ZNF829: variants seen among roughly 807,000 people sequenced by gnomAD.
ZNF829 encodes the protein zinc finger protein 829.
Under a neutral mutation model 35.2 loss-of-function variants are expected in ZNF829, and 25 were observed. That is an observed-to-expected ratio of 0.71 (90% confidence interval 0.52 to 0.99). The LOEUF is 0.99. ZNF829 is among the 50% of genes least tolerant of loss of function. ZNF829 has a pLI of 0.00. For synonymous variants in ZNF829, 136 were observed against 163.2 expected, an observed-to-expected ratio of 0.83 and a Z score of 1.27; for missense variants, 417 against 515.3, an observed-to-expected ratio of 0.81 and a Z score of 1.85.
intron 5 of ZNF829, among the ~76,000 whole-genome samples, chr19:36,897,946 A>G (rs1428343844): frequency 6.6e-6 from 1 of 152,220 alleles, no homozygotes; most frequent in Non-Finnish European, 1.5e-5. Flanking sequence ...AGGTGGGTGG[A>G]TCACTTGAGG....
chr19:36,901,819 C>A, intron 5 of ZNF829: 1 of 692,310 alleles, frequency 1.4e-6, no homozygotes, highest in Non-Finnish European at 2.7e-6. Context: ...GAGAATACAC[C>A]ATCAGTATGC....
chr19:36,904,295 G>C (rs769176493), intron 5 of ZNF829, among the ~76,000 whole-genome samples: 8 of 152,206 alleles, frequency 5.3e-5, no homozygotes, highest in Non-Finnish European at 7.3e-5. Context: ...TTGAAGGTAG[G>C]TATCAGAAGA....
intron 5 of ZNF829, chr19:36,902,016 G>C (rs371219496): frequency 2.2e-5 from 15 of 677,192 alleles, no homozygotes; most frequent in Middle Eastern, 2.6e-4. Context: ...TCCAGAATAC[G>C]TAATGGGGAT....
chr19:36,891,461 G>C lies in ZNF829; in HGVS notation c.*31C>G, dbSNP rs1341429474. On this transcript the variant is annotated 3_prime_UTR_variant, in exon 6 of 6. Coordinates refer to ENST00000391711, the MANE Select transcript of ZNF829 (RefSeq NM_001037232.4). Reference sequence around the variant, plus strand: ...CCTGTTTTAAAAAAATTATTATAAAGGTTAACAAAATGGTCTTACTTTACT... The same window carrying C: ...CCTGTTTTAAAAAAATTATTATAAACGTTAACAAAATGGTCTTACTTTACT... 1 of 1,510,684 alleles carries C rather than the reference G, an allele frequency of 6.6e-7. No individual in the cohort carries two copies. Among genetic ancestry groups the C allele is most frequent in the Non-Finnish European group, 8.8e-7 (1 of 1,132,300 alleles). The allele number at this position is 1,510,684 out of a possible 1,614,324, so 93.6% of individuals were successfully genotyped here.
rs1438099580 is a variant in ZNF829, at chr19:36,892,107, A to G, written c.684T>C (p.Ser228=). 1 of 1,614,074 alleles carries G rather than the reference A, an allele frequency of 6.2e-7. No homozygotes were observed. Among genetic ancestry groups the G allele is most frequent in the Non-Finnish European group, 8.5e-7 (1 of 1,179,998 alleles). ...GKAFSCSSYF[S]QHQRIHTGEK... is the part of the protein sequence containing the mutation. The stretch of plus-strand genomic sequence containing the variant: ...CACCAGTGTGAATCCTCTGATGTTG[A>G]GAAAAATATGAACTACAACTAAAAG... Residue 228 remains serine (S), a synonymous_variant, in exon 6 of 6, where the codon TCT becomes TCC. Coordinates refer to ENST00000391711, the MANE Select transcript of ZNF829 (RefSeq NM_001037232.4).
chr19:36,897,996 T>C (rs1160524691), intron 5 of ZNF829, among the ~76,000 whole-genome samples: 1 of 152,108 alleles, frequency 6.6e-6, no homozygotes, highest in East Asian at 1.9e-4. Flanking sequence ...TGGTGAAACC[T>C]TGTCTTGACT....
chr19:36,891,535 C>T lies in ZNF829; in HGVS notation c.1256G>A (p.Ser419Asn). 6.3e-7 allele frequency: 1 copy of T among 1,599,228 alleles called. No homozygotes were observed. Among genetic ancestry groups the T allele is most frequent in the Non-Finnish European group, 8.5e-7 (1 of 1,174,154 alleles). The change falls in exon 6 of 6, where the codon AGT becomes AAT. Residue 419 changes from serine to asparagine, a missense_variant. By Grantham distance (46) the Ser-to-Asn change is conservative. Coordinates refer to ENST00000391711, the MANE Select transcript of ZNF829 (RefSeq NM_001037232.4). ...CTCATGGCGAATGAGGTCAGAGCGA[C>T]TACCAAAAGCCTTTCCACATTCCTT... ...DCKECGKAFG[S>N]RSDLIRHEGI...
chr19:36,915,303 T>G, intron 1 of ZNF829, 52 bp from the exon 2 acceptor site: 1 of 1,543,126 alleles, frequency 6.5e-7, no homozygotes, highest in Non-Finnish European at 8.7e-7. Context: ...GACCCCATAC[T>G]CATACACAGA....
rs964684284 is a variant in ZNF829, at chr19:36,888,487, C to T, written c.*3005G>A. 6.6e-6 allele frequency: 1 copy of T among 152,220 alleles called. No individual in the cohort carries two copies. The highest frequency in any genetic ancestry group is 1.5e-5 in the Non-Finnish European group (1 of 68,036). The allele number at this position is 152,220 out of a possible 1,614,324, so 9.4% of individuals were successfully genotyped here. ...ACTAAATTCTTGTGATCTTTCTACT[C>T]TGCACTCTGAAATCCACAGTAACTT... On this transcript the variant is annotated 3_prime_UTR_variant, in exon 6 of 6. Coordinates refer to ENST00000391711, the MANE Select transcript of ZNF829 (RefSeq NM_001037232.4).
Position 36,892,044 on chromosome 19 carries a change from A to C in ZNF829, c.747T>G (p.Phe249Leu). ...GATCATTAAGGTTTGAGCAATACTT[A>C]AAGGCTTTTCCACATTCCTTACATT... ...PYECKECGKA[F>L]KYCSNLNDHQ... is the part of the protein sequence containing the mutation. The change falls in exon 6 of 6, where the codon TTT becomes TTG. Residue 249 changes from phenylalanine (F) to leucine (L), a missense_variant. Transcript: ENST00000391711. 6.2e-7 allele frequency: 1 copy of C among 1,614,064 alleles called. No homozygotes were observed. Among genetic ancestry groups the C allele is most frequent in the Non-Finnish European group, 8.5e-7 (1 of 1,179,984 alleles).
Position 36,892,408 on chromosome 19 carries a change from A to G in ZNF829, c.383T>C (p.Ile128Thr), listed in dbSNP as rs755045762. ...AGTAGACATGTCTTCACGGGTAATT[A>G]TTACTTGACTGAAATGTCTCTTCTT... is the stretch of plus-strand genomic sequence containing the variant. ...SLKKRHFSQVIITREDMSTFI... is the reference protein window; with the variant it reads ...SLKKRHFSQVTITREDMSTFI... The change falls in exon 6 of 6, where the codon ATA (isoleucine) becomes ACA (threonine). Residue 128 changes from isoleucine (I) to threonine (T), a missense_variant. Coordinates refer to ENST00000391711, the MANE Select transcript of ZNF829 (RefSeq NM_001037232.4). The G allele has an allele frequency of 1.4e-5, 23 of 1,611,148 alleles. No individual in the cohort carries two copies. In the Middle Eastern group the frequency reaches 1.3e-3, roughly 93 times the overall value.
intron 5 of ZNF829, among the ~76,000 whole-genome samples, chr19:36,895,804 A>G (rs1295699329): frequency 1.3e-5 from 2 of 152,224 alleles, no homozygotes; most frequent in African/African-American, 4.8e-5. Flanking sequence ...CAGAGGATAT[A>G]AAGTTCTAAA....
intron 3 of ZNF829, among the ~76,000 whole-genome samples, chr19:36,909,636 G>A (rs542463219): frequency 5.5e-4 from 83 of 152,004 alleles, no homozygotes; most frequent in African/African-American, 1.9e-3. Context: ...ATGAAACCCC[G>A]TGTCTACTTA....
In ZNF829 at chr19:36,891,293, T is replaced by C; in HGVS notation, c.*199A>G. On this transcript the variant is annotated 3_prime_UTR_variant, in exon 6 of 6. Coordinates refer to ENST00000391711, the MANE Select transcript of ZNF829 (RefSeq NM_001037232.4). Reference sequence around the variant, plus strand: ...CGATCAGCACCCTTGAGTTTAGATTTCCAGGCTCTAAACTATGAGAGAATA... The same window carrying C: ...CGATCAGCACCCTTGAGTTTAGATTCCCAGGCTCTAAACTATGAGAGAATA... 3.8e-6 allele frequency: 2 copies of C among 520,922 alleles called. No homozygotes were observed. Among genetic ancestry groups the C allele is most frequent in the Admixed American group, 3.7e-5 (1 of 26,676 alleles). The allele number at this position is 520,922 out of a possible 1,614,324, so 32.3% of individuals were successfully genotyped here.
At chr19:36,909,907 T>TA (rs2146248097) in intron 3 of ZNF829, among the ~76,000 whole-genome samples, 1 of 152,056 alleles carries the variant, frequency 6.6e-6, no homozygotes, top group African/African-American at 2.4e-5. Context: ...AATCCATAGT[T>TA]ACCTGCCTAG....
At position 36,891,672 on chromosome 19, in the gene ZNF829, G is replaced by T. The variant is rs1392584013; in HGVS notation, c.1119C>A (p.Ile373=). ...ATTCATATGGTTTTTCATCTGTATG[G>T]ATTCTCTGATGTTGAATAAGTTCTG... ...QSSELIQHQR[I]HTDEKPYECN... Residue 373 remains isoleucine (I), a synonymous_variant, in exon 6 of 6, where the codon ATC becomes ATA. Coordinates refer to ENST00000391711, the MANE Select transcript of ZNF829 (RefSeq NM_001037232.4). 3.1e-6 allele frequency: 5 copies of T among 1,612,452 alleles called. No individual in the cohort carries two copies. Among genetic ancestry groups the T allele is most frequent in the Non-Finnish European group, 4.2e-6 (5 of 1,179,458 alleles).
At chr19:36,904,355 C>A (rs2073197397) in intron 5 of ZNF829, among the ~76,000 whole-genome samples, 1 of 152,090 alleles carries the variant, frequency 6.6e-6, no homozygotes, top group Non-Finnish European at 1.5e-5. Context: ...GGGACTGGGG[C>A]AGTCATGGTA....
In ZNF829 at chr19:36,891,561, A is replaced by G. The variant is rs751222241; in HGVS notation, c.1230T>C (p.Cys410=). ...TACCAAAAGCCTTTCCACATTCCTTACAGTCATAGGGTTTCTCACCAGTGT... is the reference window on the plus strand; with the variant it reads ...TACCAAAAGCCTTTCCACATTCCTTGCAGTCATAGGGTTTCTCACCAGTGT... ...RIHTGEKPYD[C]KECGKAFGSR... Residue 410 remains cysteine, a synonymous_variant, in exon 6 of 6, where the codon TGT becomes TGC. Transcript: ENST00000391711. The G allele has an allele frequency of 3.1e-6, 5 of 1,610,812 alleles. No homozygotes were observed. Among genetic ancestry groups the G allele is most frequent in the Non-Finnish European group, 3.4e-6 (4 of 1,178,682 alleles).
Position 36,901,988 on chromosome 19 carries a change from C to A in ZNF829, c.319+5941G>T, listed in dbSNP as rs761533863. ...CAAAGGAATAAGGAATGTCCCATAACGAATCCATGTGCGGTTGTCCAGAAT... is the reference window on the plus strand; with the variant it reads ...CAAAGGAATAAGGAATGTCCCATAAAGAATCCATGTGCGGTTGTCCAGAAT... On this transcript the variant is annotated intron_variant, in intron 5 of 5. Coordinates refer to ENST00000391711, the MANE Select transcript of ZNF829 (RefSeq NM_001037232.4). 100 of 729,236 alleles carry A rather than the reference C, an allele frequency of 1.4e-4. 1 individual carries two copies. Among genetic ancestry groups the A allele is most frequent in the Admixed American group, 3.6e-5 (2 of 54,996 alleles). 45.2% of individuals were successfully genotyped at this position (729,236 alleles called of 1,614,324 possible).
Sources: allele counts gnomAD v4.1 joint callset (sites outside exome capture counted in the v4.1 genomes callset), GRCh38; gene constraint gnomAD v4.1.1; transcripts MANE v1.5; gene names NCBI Gene and HGNC (gene_info 2026-07-23, HGNC 2026-07-21).